Variants in C3orf20 observed in about 807,000 individuals in gnomAD.
C3orf20 encodes uncharacterized protein C3orf20.
In C3orf20, 76 loss-of-function variants were observed where a neutral mutation model predicts 88.3. The ratio of observed to expected loss-of-function variants is 0.86; its 90% confidence interval spans 0.72 to 1.04. The LOEUF (loss-of-function observed/expected upper bound fraction) is 1.04. C3orf20 is among the 50% of genes least tolerant of loss of function. The pLI, the probability that C3orf20 is intolerant of heterozygous loss-of-function variation, is 0.00. For missense variants in C3orf20, 1,056 were observed against 1,123.3 expected (o/e 0.94, Z 0.86); for synonymous variants, 436 against 437.4 (o/e 1.00, Z 0.04).
chr3:14,715,253 C>T, intron 8 of C3orf20, 36 bp from the exon 9 acceptor site: 1 of 1,600,466 alleles, frequency 6.2e-7, no homozygotes, highest in East Asian at 2.2e-5. Flanking sequence ...CCTTCAGGGG[C>T]CCGGTGGCAG....
chr3:14,721,978 C>G, intron 10 of C3orf20, 194 bp downstream of exon 10: 1 of 617,982 alleles, frequency 1.6e-6, no homozygotes, highest in East Asian at 2.9e-5. Context: ...AATTAAGGGT[C>G]TTCCAGTTGT....
intron 10 of C3orf20, chr3:14,722,707 G>T (rs2034209607): frequency 1.2e-5 from 5 of 401,132 alleles, no homozygotes; most frequent in South Asian, 8.8e-5. Context: ...CCAGGGCCCA[G>T]CATGAGGACT....
Position 14,676,299 on chromosome 3 carries a change from C to T in C3orf20, c.-299+1047C>T, listed in dbSNP as rs990866403. ...GCAAGTGAGTCTGGTAACTGTGCCA[C>T]TGTCTTTGCTGGGAACCCAGGTTTT... On this transcript the variant is annotated intron_variant, in intron 1 of 16. Transcript: ENST00000253697. Among the ~76,000 whole-genome samples, 7 of 152,202 alleles carry T rather than the reference C, an allele frequency of 4.6e-5. No individual in the cohort carries two copies. The East Asian group carries it at 1.2e-3, about 25-fold the overall frequency.
chr3:14,715,755 A>G (rs958079794), intron 9 of C3orf20, among the ~76,000 whole-genome samples: 1 of 152,134 alleles, frequency 6.6e-6, no homozygotes, highest in Admixed American at 6.5e-5. Context: ...TTTATTTTTA[A>G]TGCCTATGTG....
chr3:14,683,753 G>A (rs2032239141), intron 3 of C3orf20, among the ~76,000 whole-genome samples: 1 of 151,958 alleles, frequency 6.6e-6, no homozygotes. Flanking sequence ...GTGCACACCT[G>A]TAATCCCAGC....
At position 14,744,980 on chromosome 3, in the gene C3orf20, G is replaced by A. The variant is rs190611141; in HGVS notation, c.1941-12391G>A. 9.2e-3 allele frequency among the ~76,000 whole-genome samples: 1,403 copies of A among 152,300 alleles called. 78 individuals are homozygous for A. The highest frequency in any genetic ancestry group is 0.088 in the Admixed American group (1,343 of 15,290). On this transcript the variant is annotated intron_variant, in intron 12 of 16. Coordinates refer to ENST00000253697, the MANE Select transcript of C3orf20 (RefSeq NM_032137.5). Reference sequence around the variant, plus strand: ...CATGTTCCTGTGAATAGCAAATACTGTTTCTTAGTTGTGAAAATGTGCTTT... The same window carrying A: ...CATGTTCCTGTGAATAGCAAATACTATTTCTTAGTTGTGAAAATGTGCTTT...
chr3:14,694,185 A>G (rs2032865783), intron 5 of C3orf20, among the ~76,000 whole-genome samples: 1 of 152,140 alleles, frequency 6.6e-6, no homozygotes, highest in Non-Finnish European at 1.5e-5. Flanking sequence ...TGGTTTTGGT[A>G]TCAGAGTAAT....
chr3:14,723,000 AC>A lies in C3orf20; in HGVS notation c.1566+1217del, dbSNP rs1190325071. 2.0e-5 allele frequency among the ~76,000 whole-genome samples: 3 copies of A among 152,376 alleles called. No homozygotes were observed. In the East Asian group the frequency reaches 5.8e-4, roughly 29 times the overall value. ...GAGCTCCCCACAGGGCACTCTGCCC[AC>A]TAAGGGAAGGCTCCTAGAAGCAAAA... On this transcript the variant is annotated intron_variant, in intron 10 of 16. Coordinates refer to ENST00000253697, the MANE Select transcript of C3orf20 (RefSeq NM_032137.5).
intron 7 of C3orf20, among the ~76,000 whole-genome samples, chr3:14,708,291 A>G (rs2033604327): frequency 6.6e-6 from 1 of 152,158 alleles, no homozygotes; most frequent in African/African-American, 2.4e-5. Flanking sequence ...TCCCCATTGA[A>G]TGGTCATGGC....
intron 12 of C3orf20, among the ~76,000 whole-genome samples, chr3:14,755,497 C>T (rs534961157): frequency 6.6e-6 from 1 of 152,114 alleles, no homozygotes; most frequent in South Asian, 2.1e-4. Flanking sequence ...ATCCAGTCTC[C>T]CCCACCCCCT....
chr3:14,680,769 T>G (rs1050626659), intron 1 of C3orf20, among the ~76,000 whole-genome samples: 51 of 152,342 alleles, frequency 3.3e-4, no homozygotes, highest in African/African-American at 1.2e-3. Flanking sequence ...ATTTCAAGAC[T>G]TATATTAGTT....
intron 7 of C3orf20, among the ~76,000 whole-genome samples, chr3:14,713,709 T>C (rs1419757522): frequency 1.3e-5 from 2 of 152,184 alleles, no homozygotes; most frequent in Non-Finnish European, 2.9e-5. Flanking sequence ...TACTGAAAGT[T>C]CCACGTCTCA....
chr3:14,745,820 T>C (rs1383610477), intron 12 of C3orf20, among the ~76,000 whole-genome samples: 2 of 152,202 alleles, frequency 1.3e-5, no homozygotes, highest in Non-Finnish European at 2.9e-5. Flanking sequence ...TTTTTATGAG[T>C]TACATACAAC....
intron 12 of C3orf20, among the ~76,000 whole-genome samples, chr3:14,738,868 C>CTGG (rs2034816427): frequency 7.4e-6 from 1 of 135,232 alleles, no homozygotes; most frequent in Admixed American, 7.9e-5. Context: ...GTTGGTCAGG[C>CTGG]TGGTCTTAAA....
At chr3:14,694,325 T>G (rs1008699574) in intron 5 of C3orf20, among the ~76,000 whole-genome samples, 1 of 152,190 alleles carries the variant, frequency 6.6e-6, no homozygotes, top group African/African-American at 2.4e-5. Context: ...CCCAGGCTTT[T>G]CTTTTCTGGG....
rs769813103 is a variant in C3orf20 at position 14,757,382 on chromosome 3, G to A, written c.1952G>A (p.Arg651His). Residue 651 changes from arginine to histidine, a missense_variant, in exon 13 of 17, where the codon CGC becomes CAC. Arg to His is a conservative substitution (Grantham distance 29, BLOSUM62 0). Coordinates refer to ENST00000253697, the MANE Select transcript of C3orf20 (RefSeq NM_032137.5). The part of the protein sequence containing the change: ...KAKVTSRGKA[R>H]EGRSPTRWAA... Reference sequence around the variant, plus strand: ...GCTCCTCCTTGCAGAGGGAAGGCCCGCGAGGGGCGCAGCCCCACCAGGTGG... The same window carrying A: ...GCTCCTCCTTGCAGAGGGAAGGCCCACGAGGGGCGCAGCCCCACCAGGTGG... 32 of 1,611,048 alleles carry A rather than the reference G, an allele frequency of 2.0e-5. No homozygotes were observed. The South Asian group carries it at 2.1e-4, about 11-fold the overall frequency.
chr3:14,738,630 C>CTTTTTTTTT (rs34407504), intron 12 of C3orf20, among the ~76,000 whole-genome samples: 1 of 73,482 alleles, frequency 1.4e-5, no homozygotes, highest in Non-Finnish European at 2.4e-5. Context: ...CATGCCCGGC[C>CTTTTTTTTT]TTTTTTTTTT....
intron 5 of C3orf20, among the ~76,000 whole-genome samples, chr3:14,694,977 G>A (rs2032925942): frequency 6.6e-6 from 1 of 152,112 alleles, no homozygotes; most frequent in Admixed American, 6.6e-5. Flanking sequence ...TTTTAGTAGA[G>A]ACAGGGTTTC....
intron 12 of C3orf20, among the ~76,000 whole-genome samples, chr3:14,729,222 G>C (rs549204984): frequency 6.6e-6 from 1 of 152,318 alleles, no homozygotes; most frequent in African/African-American, 2.4e-5. Context: ...TGGCTGGAAA[G>C]TGGTGTGGGA....
Sources: allele counts gnomAD v4.1 joint callset (sites outside exome capture counted in the v4.1 genomes callset), GRCh38; gene constraint gnomAD v4.1.1; transcripts MANE v1.5; gene names NCBI Gene and HGNC (gene_info 2026-07-23, HGNC 2026-07-21).